Variants in TOX observed in about 807,000 individuals in gnomAD.
TOX encodes the protein thymocyte selection-associated high mobility group box protein TOX.
TOX carries 11 observed loss-of-function variants against 53.7 expected under a neutral mutation model. The observed-to-expected ratio is 0.20, with a 90% CI of 0.13 to 0.34. TOX has a LOEUF of 0.34. Ranked by LOEUF, TOX falls within the 10% of genes least tolerant of loss-of-function variation. The pLI is 1.00. For missense variants in TOX, 570 were observed against 664.6 expected, an observed-to-expected ratio of 0.86 and a Z score of 1.56; for synonymous variants, 225 against 245.3, an observed-to-expected ratio of 0.92 and a Z score of 0.77.
intron 1 of TOX, among the ~76,000 whole-genome samples, chr8:59,050,000 C>T (rs1803759923): frequency 6.6e-6 from 1 of 152,006 alleles, no homozygotes; most frequent in African/African-American, 2.4e-5. Context: ...TAAAACATAT[C>T]CAGGGGTTGC....
chr8:58,919,176 G>A (rs1187019652), intron 3 of TOX, among the ~76,000 whole-genome samples: 8 of 151,332 alleles, frequency 5.3e-5, no homozygotes, highest in Non-Finnish European at 1.2e-4. Flanking sequence ...AGCTGCCAAT[G>A]ACTTTCTTCA....
chr8:58,979,924 T>A (rs529135516), intron 1 of TOX, among the ~76,000 whole-genome samples: 2 of 152,320 alleles, frequency 1.3e-5, no homozygotes, highest in South Asian at 4.1e-4. Context: ...CAGACTATAG[T>A]AAGCACTCAA....
intron 1 of TOX, among the ~76,000 whole-genome samples, chr8:59,076,541 T>C (rs936651201): frequency 6.6e-6 from 1 of 152,216 alleles, no homozygotes; most frequent in African/African-American, 2.4e-5. Flanking sequence ...TCGGCACCTA[T>C]ACTTTTGGCA....
intron 3 of TOX, among the ~76,000 whole-genome samples, chr8:58,937,529 GA>G (rs1179233277): frequency 6.6e-6 from 1 of 152,120 alleles, no homozygotes; most frequent in Non-Finnish European, 1.5e-5. Context: ...AGCAAATCTG[GA>G]AAAAATCTCT....
At chr8:58,848,301 TAAAG>T (rs1563369065) in intron 4 of TOX, among the ~76,000 whole-genome samples, 1 of 151,796 alleles carries the variant, frequency 6.6e-6, no homozygotes, top group East Asian at 1.9e-4. Flanking sequence ...AGAGCAATCT[TAAAG>T]AAGATGAGGA....
chr8:58,998,517 A>AATAAATT (rs1563413363), intron 1 of TOX, among the ~76,000 whole-genome samples: 2 of 121,444 alleles, frequency 1.6e-5, no homozygotes, highest in African/African-American at 3.3e-5. Context: ...ATATATATAT[A>AATAAATT]TATATATATA....
At chr8:59,073,396 C>T (rs2129422735) in intron 1 of TOX, among the ~76,000 whole-genome samples, 1 of 152,228 alleles carries the variant, frequency 6.6e-6, no homozygotes, top group African/African-American at 2.4e-5. Flanking sequence ...ATAAAAACAA[C>T]AGCAATAACA....
chr8:58,807,586 C>T lies in TOX; in HGVS notation c.*161G>A. ...TTAAAAAAATAATAAAGAAGCATGA[C>T]TATTTCTTCCAGAGTGGGTGACCCA... On this transcript the variant is annotated 3_prime_UTR_variant, in exon 9 of 9. Coordinates refer to ENST00000361421, the MANE Select transcript of TOX (RefSeq NM_014729.3). The T allele has an allele frequency of 1.5e-6, 1 of 654,294 alleles. No homozygotes were observed. Among genetic ancestry groups the T allele is most frequent in the Non-Finnish European group, 2.6e-6 (1 of 383,134 alleles). 40.5% of individuals were successfully genotyped at this position (654,294 alleles called of 1,614,324 possible). A position where few individuals can be genotyped will look rare whatever the true frequency, so the allele number is the denominator to read the frequency against.
intron 7 of TOX, among the ~76,000 whole-genome samples, chr8:58,808,841 G>A (rs1810031435): frequency 6.6e-6 from 1 of 152,138 alleles, no homozygotes; most frequent in South Asian, 2.1e-4. Context: ...AACAGTTGTT[G>A]GACTAATACA....
At chr8:58,972,042 A>C (rs1388437446) in intron 1 of TOX, among the ~76,000 whole-genome samples, 1 of 152,236 alleles carries the variant, frequency 6.6e-6, no homozygotes, top group Non-Finnish European at 1.5e-5. Flanking sequence ...GAAATATGAA[A>C]TAATGGGAGG....
intron 1 of TOX, among the ~76,000 whole-genome samples, chr8:59,102,227 G>GTGTTTGTT (rs541711837): frequency 5.9e-5 from 9 of 152,062 alleles, no homozygotes; most frequent in African/African-American, 2.2e-4. Flanking sequence ...CTCCCGTTTT[G>GTGTTTGTT]TGTTTGTTTG....
chr8:58,983,576 A>G (rs1243932910), intron 1 of TOX, among the ~76,000 whole-genome samples: 1 of 152,246 alleles, frequency 6.6e-6, no homozygotes, highest in African/African-American at 2.4e-5. Flanking sequence ...GTTAAAACCA[A>G]TTGCTGAAAA....
intron 1 of TOX, among the ~76,000 whole-genome samples, chr8:59,083,295 G>T (rs755260177): frequency 6.6e-6 from 1 of 152,126 alleles, no homozygotes; most frequent in Non-Finnish European, 1.5e-5. Flanking sequence ...TTCAAATCAC[G>T]ATTCAAATGC....
Position 59,118,038 on chromosome 8 carries a change from G to A in TOX, c.102+848C>T, listed in dbSNP as rs2129425397. On this transcript the variant is annotated intron_variant, in intron 1 of 8. Coordinates refer to ENST00000361421, the MANE Select transcript of TOX (RefSeq NM_014729.3). This position sits in a 1 kb window ranked among gnomAD's most constrained non-coding sequence, Gnocchi z 4.1. ...CTATAGGTGGACCCAGCCGAACTCC[G>A]CAGCAGCCCAGGCCAGCGCCCCACC... is the stretch of plus-strand genomic sequence containing the variant. 2.0e-5 allele frequency among the ~76,000 whole-genome samples: 3 copies of A among 152,240 alleles called. No homozygotes were observed. Among genetic ancestry groups the A allele is most frequent in the African/African-American group, 7.2e-5 (3 of 41,538 alleles).
intron 3 of TOX, among the ~76,000 whole-genome samples, chr8:58,863,669 G>A (rs991551640): frequency 6.6e-6 from 1 of 152,154 alleles, no homozygotes; most frequent in Non-Finnish European, 1.5e-5. Context: ...AGGGGAGGAT[G>A]CAGCTAGAAC....
At chr8:58,865,887 T>G (rs1001275304) in intron 3 of TOX, among the ~76,000 whole-genome samples, 1 of 136,630 alleles carries the variant, frequency 7.3e-6, no homozygotes, top group Non-Finnish European at 1.5e-5. Context: ...CAGGCTGGAG[T>G]GCAGTGGCAC....
intron 4 of TOX, among the ~76,000 whole-genome samples, chr8:58,841,385 G>A (rs986254602): frequency 1.3e-5 from 2 of 152,100 alleles, no homozygotes; most frequent in East Asian, 1.9e-4. Context: ...AATGCTTAAC[G>A]TTTGTTATAG....
intron 1 of TOX, among the ~76,000 whole-genome samples, chr8:59,060,938 T>C (rs1803973794): frequency 6.6e-6 from 1 of 152,156 alleles, no homozygotes; most frequent in Non-Finnish European, 1.5e-5. Context: ...AGAACAACGC[T>C]ACTATTGGGG....
chr8:58,923,726 A>G (rs1283154392), intron 3 of TOX, among the ~76,000 whole-genome samples: 1 of 152,100 alleles, frequency 6.6e-6, no homozygotes, highest in African/African-American at 2.4e-5. Context: ...TTTCCATATT[A>G]ATTTTTGTAC....
Sources: gnomAD v4.1 joint callset for allele counts (sites outside exome capture counted in the v4.1 genomes callset) on GRCh38, gnomAD v4.1.1 for gene constraint, Gnocchi (gnomAD v3.1) non-coding constraint, MANE v1.5 for transcripts, NCBI Gene and HGNC (gene_info 2026-07-23, HGNC 2026-07-21) for gene names.